EPB41: variants seen among roughly 807,000 people sequenced by gnomAD.
EPB41 encodes erythrocyte membrane protein band 4.1, also known as protein 4.1.
EPB41 carries 65 observed loss-of-function variants against 108.0 expected under a neutral mutation model. The ratio of observed to expected loss-of-function variants is 0.60; its 90% CI spans 0.49 to 0.74. The LOEUF is 0.74. Ranked by LOEUF, EPB41 falls within the 30% of genes least tolerant of loss-of-function variation. EPB41 has a pLI of 0.00. For synonymous variants in EPB41, 336 were observed against 358.9 expected (o/e 0.94, Z 0.72); for missense variants, 875 against 1,037.0 (o/e 0.84, Z 2.15).
chr1:29,104,883 C>T (rs1666629756), intron 17 of EPB41, among the ~76,000 whole-genome samples: 2 of 151,394 alleles, frequency 1.3e-5, no homozygotes, highest in Non-Finnish European at 2.9e-5. Context: ...CCACTGTGCC[C>T]GGCCTAATTT....
intron 16 of EPB41, chr1:29,070,497 A>G: frequency 4.1e-6 from 5 of 1,232,160 alleles, no homozygotes; most frequent in Middle Eastern, 3.1e-4. Context: ...CCTGAGGATC[A>G]CAAGTCTCTC....
chr1:29,073,760 G>A (rs911586225), intron 16 of EPB41, among the ~76,000 whole-genome samples: 4 of 152,148 alleles, frequency 2.6e-5, no homozygotes, highest in African/African-American at 9.6e-5. Context: ...CATGGGTCAA[G>A]TTTTCTACTT....
Position 29,115,771 on chromosome 1 carries a change from C to T in EPB41, c.2569C>T (p.Gln857Ter). The stretch of plus-strand genomic sequence containing the variant: ...GTCAGTGACCAAGGTGGTCGTCCAC[C>T]AGGAGACCGAGATTGCTGATGAGTG... ...DMSVTKVVVH[Q>*]ETEIADE is the part of the protein sequence containing the mutation. The change falls in exon 20 of 21, where the codon CAG (glutamine) becomes TAG (stop). Residue 857 changes from glutamine to a stop codon, truncating the protein, a stop_gained. Coordinates refer to ENST00000343067, the MANE Select transcript of EPB41 (RefSeq NM_001376013.1). LOFTEE classifies it high-confidence loss of function. The surrounding 1 kb of genome is among the most constrained non-coding windows in gnomAD (Gnocchi z 4.4). 2 of 1,614,028 alleles carry T rather than the reference C, an allele frequency of 1.2e-6. No individual in the cohort carries two copies. The highest frequency in any genetic ancestry group is 1.7e-6 in the Non-Finnish European group (2 of 1,179,978).
chr1:28,932,533 T>C (rs916547753), intron 1 of EPB41, among the ~76,000 whole-genome samples: 11 of 151,998 alleles, frequency 7.2e-5, no homozygotes, highest in East Asian at 1.9e-4. Flanking sequence ...ATCTTTTTTT[T>C]CCCAAATAAT....
intron 3 of EPB41, among the ~76,000 whole-genome samples, chr1:28,993,967 AT>A (rs940868241): frequency 1.3e-5 from 2 of 149,866 alleles, no homozygotes; most frequent in African/African-American, 4.9e-5. Context: ...TTTAATGATT[AT>A]TTCTGTAGAT....
At chr1:29,008,107 G>T (rs547767980) in intron 4 of EPB41, among the ~76,000 whole-genome samples, 3 of 152,038 alleles carry the variant, frequency 2.0e-5, no homozygotes, top group African/African-American at 7.2e-5. Context: ...TATAACATGT[G>T]TTCCTTTCCC....
intron 1 of EPB41, among the ~76,000 whole-genome samples, chr1:28,895,012 G>C (rs1047804227): frequency 1.3e-5 from 2 of 152,140 alleles, no homozygotes; most frequent in Non-Finnish European, 2.9e-5. Context: ...CTGAGTGGAG[G>C]TTCCAGCTCT....
At chr1:29,022,889 G>A (rs2096664465) in intron 7 of EPB41, among the ~76,000 whole-genome samples, 1 of 152,008 alleles carries the variant, frequency 6.6e-6, no homozygotes, top group Non-Finnish European at 1.5e-5. Flanking sequence ...ACATTGAAGA[G>A]ATTTGTAAAT....
chr1:29,035,791 T>C, intron 9 of EPB41, 35 bp from the exon 10 acceptor site: 2 of 1,480,976 alleles, frequency 1.4e-6, no homozygotes, highest in Non-Finnish European at 1.9e-6. Flanking sequence ...TCACATGTAA[T>C]ACTTCATGTC....
In EPB41 at chr1:28,935,136, TAAATC is replaced by T. The variant is rs1024877519; in HGVS notation, c.-8+20371_-8+20375del. ...CAAAAAAAGAAAAAGCATAAATAAA[TAAATC>T]AAGATCTGGCCAGGTGAAGTGGCTT... On this transcript the variant is annotated intron_variant, in intron 1 of 20. Transcript: ENST00000343067. 8.7e-5 allele frequency among the ~76,000 whole-genome samples: 13 copies of T among 149,556 alleles called. No homozygotes were observed. The South Asian group carries it at 1.5e-3, about 17-fold the overall frequency.
intron 4 of EPB41, among the ~76,000 whole-genome samples, chr1:29,011,574 TG>T (rs1281480140): frequency 6.6e-6 from 1 of 152,218 alleles, no homozygotes; most frequent in Non-Finnish European, 1.5e-5. Context: ...AGTAACACTA[TG>T]AAGTAGGCAC....
chr1:29,109,470 C>A, intron 18 of EPB41, 33 bp downstream of exon 18: 1 of 1,583,450 alleles, frequency 6.3e-7, no homozygotes, highest in Non-Finnish European at 8.7e-7. Flanking sequence ...TTTATGGAAC[C>A]CAGGGGCAGG....
chr1:29,081,655 G>A (rs1656681459), intron 16 of EPB41, among the ~76,000 whole-genome samples: 1 of 152,052 alleles, frequency 6.6e-6, no homozygotes, highest in African/African-American at 2.4e-5. Context: ...GACCAACATC[G>A]AGAAACCCTG....
chr1:29,085,059 G>T lies in EPB41; in HGVS notation c.2185-12748G>T, dbSNP rs183880555. Among the ~76,000 whole-genome samples the T allele has an allele frequency of 4.2e-4, 63 of 151,690 alleles. 1 individual carries two copies. The East Asian group carries it at 0.01, about 25-fold the overall frequency. On this transcript the variant is annotated intron_variant, in intron 16 of 20. Transcript: ENST00000343067. Reference sequence around the variant, plus strand: ...ATATAAATCATTCTGGATATGAATTGTGATGTGATAGAATCAATCTATAGT... The same window carrying T: ...ATATAAATCATTCTGGATATGAATTTTGATGTGATAGAATCAATCTATAGT...
rs139497737 is a variant in EPB41 at position 28,925,979 on chromosome 1, C to G, written c.-8+11211C>G. ...CTGTAATCCCAGCATTTTGGGAGGC[C>G]GATGTGGGAGGATTGTTTGAGCCCA... On this transcript the variant is annotated intron_variant, in intron 1 of 20. Transcript: ENST00000343067. Among the ~76,000 whole-genome samples, 328 of 151,790 alleles carry G rather than the reference C, an allele frequency of 2.2e-3. 2 individuals carry two copies. The highest frequency in any genetic ancestry group is 7.3e-3 in the African/African-American group (300 of 41,340).
At chr1:28,931,346 T>A (rs2093729365) in intron 1 of EPB41, among the ~76,000 whole-genome samples, 2 of 146,058 alleles carry the variant, frequency 1.4e-5, no homozygotes, top group African/African-American at 5.1e-5. Context: ...GGTTCTAGCC[T>A]TGGCAACAGA....
intron 1 of EPB41, among the ~76,000 whole-genome samples, chr1:28,903,054 A>T (rs1341619908): frequency 6.6e-6 from 1 of 152,180 alleles, no homozygotes; most frequent in Non-Finnish European, 1.5e-5. Flanking sequence ...AAGCAATAAA[A>T]TGGGGCTAAA....
chr1:28,919,096 A>G (rs2092889295), intron 1 of EPB41, among the ~76,000 whole-genome samples: 1 of 152,186 alleles, frequency 6.6e-6, no homozygotes, highest in South Asian at 2.1e-4. Flanking sequence ...TTGATATTTT[A>G]TATTGAGTGC....
At chr1:29,081,626 G>A (rs961216672) in intron 16 of EPB41, among the ~76,000 whole-genome samples, 10 of 152,072 alleles carry the variant, frequency 6.6e-5, no homozygotes, top group Admixed American at 5.9e-4. Context: ...GCCTGAGGTC[G>A]GGAGTTTGAG....
Sources: allele counts gnomAD v4.1 joint callset (sites outside exome capture counted in the v4.1 genomes callset), GRCh38; gene constraint gnomAD v4.1.1; non-coding constraint Gnocchi (gnomAD v3.1); transcripts MANE v1.5; gene names NCBI Gene and HGNC (gene_info 2026-07-23, HGNC 2026-07-21).